RAPGEF2: variants seen among roughly 807,000 people sequenced by gnomAD.
RAPGEF2 encodes the protein Rap guanine nucleotide exchange factor 2.
A neutral mutation model predicts 186.7 loss-of-function variants in RAPGEF2; 54 were observed. The ratio of observed to expected loss-of-function variants is 0.29; its 90% confidence interval spans 0.23 to 0.36. RAPGEF2 has a LOEUF of 0.36. Ranked by LOEUF, RAPGEF2 falls within the 10% of genes least tolerant of loss-of-function variation. The pLI is 1.00. For missense variants in RAPGEF2, 1,532 were observed against 2,045.0 expected (o/e 0.75, Z 4.84); for synonymous variants, 712 against 705.9 (o/e 1.01, Z -0.14).
intron 7 of RAPGEF2, chr4:159,267,305 C>T (rs1196702452): frequency 7.8e-7 from 1 of 1,289,340 alleles, no homozygotes. Context: ...CCATGGTCCT[C>T]CAAAGTAAGC....
chr4:159,318,120 T>G (rs754387657), intron 9 of RAPGEF2, among the ~76,000 whole-genome samples: 33 of 152,110 alleles, frequency 2.2e-4, no homozygotes, highest in Admixed American at 1.0e-3. Flanking sequence ...TGAATACCAG[T>G]TTACTTGCAA....
At chr4:159,330,594 A>T in intron 13 of RAPGEF2, 96 bp downstream of exon 13, 4 of 865,806 alleles carry the variant, frequency 4.6e-6, no homozygotes, top group Non-Finnish European at 7.1e-6. Context: ...GTCCAGATTA[A>T]TGTAATGAAA....
intron 1 of RAPGEF2, among the ~76,000 whole-genome samples, chr4:159,156,400 T>G (rs558212372): frequency 6.6e-6 from 1 of 152,286 alleles, no homozygotes; most frequent in South Asian, 2.1e-4. Flanking sequence ...TTAATCCCTA[T>G]GTGTTATATC....
At chr4:159,250,146 A>G (rs1755132235) in intron 7 of RAPGEF2, among the ~76,000 whole-genome samples, 1 of 152,176 alleles carries the variant, frequency 6.6e-6, no homozygotes, top group Non-Finnish European at 1.5e-5. Flanking sequence ...AAATGATCAG[A>G]TATCCTCCCC....
intron 1 of RAPGEF2, among the ~76,000 whole-genome samples, chr4:159,185,012 G>A (rs957638567): frequency 1.3e-5 from 2 of 151,976 alleles, no homozygotes; most frequent in South Asian, 2.1e-4. Flanking sequence ...CCATTTCTTC[G>A]AACAAAGGAT....
chr4:159,246,619 C>CA (rs372172674), intron 7 of RAPGEF2, among the ~76,000 whole-genome samples: 46 of 152,254 alleles, frequency 3.0e-4, no homozygotes, highest in East Asian at 2.1e-3. Context: ...AAAAGTCATT[C>CA]AGCTATTGAA....
chr4:159,130,339 G>A (rs1740889708), intron 1 of RAPGEF2, among the ~76,000 whole-genome samples: 1 of 152,086 alleles, frequency 6.6e-6, no homozygotes, highest in Non-Finnish European at 1.5e-5. Context: ...ATTTTACCCA[G>A]CCCCTATTTA....
chr4:159,121,304 G>A (rs981270192), intron 1 of RAPGEF2, among the ~76,000 whole-genome samples: 2 of 151,958 alleles, frequency 1.3e-5, no homozygotes, highest in African/African-American at 4.8e-5. Flanking sequence ...TGAACTCTGT[G>A]GATCTACTCA....
At chr4:159,319,862 G>A (rs2111139787) in intron 9 of RAPGEF2, among the ~76,000 whole-genome samples, 1 of 151,928 alleles carries the variant, frequency 6.6e-6, no homozygotes, top group South Asian at 2.1e-4. Context: ...CACGCAATAT[G>A]TCTACACGAA....
intron 7 of RAPGEF2, among the ~76,000 whole-genome samples, chr4:159,251,278 C>T (rs1028353737): frequency 1.1e-4 from 17 of 152,368 alleles, no homozygotes; most frequent in African/African-American, 3.1e-4. Context: ...TGCTCTGCAG[C>T]GCCTGGTCCC....
chr4:159,196,282 T>TTA (rs1192904842), intron 3 of RAPGEF2, among the ~76,000 whole-genome samples: 1 of 152,168 alleles, frequency 6.6e-6, no homozygotes, highest in Admixed American at 6.5e-5. Flanking sequence ...TGTATTTGTG[T>TTA]TATATATATA....
chr4:159,297,894 GAA>G (rs1186655394), intron 7 of RAPGEF2, among the ~76,000 whole-genome samples: 2 of 152,188 alleles, frequency 1.3e-5, no homozygotes, highest in African/African-American at 4.8e-5. Flanking sequence ...TTTCATAGAA[GAA>G]ACTGAGGTAC....
In RAPGEF2 at chr4:159,339,632, TCTC is replaced by T. The variant is rs1248534999; in HGVS notation, c.2534+279_2534+281del. 2.6e-5 allele frequency among the ~76,000 whole-genome samples: 4 copies of T among 152,200 alleles called. No homozygotes were observed. The South Asian group carries it at 8.3e-4, about 32-fold the overall frequency. On this transcript the variant is annotated intron_variant, in intron 19 of 29. Transcript: ENST00000691494. Reference sequence around the variant, plus strand: ...GACTTCCAAAATGCGTGCTGTAACTTCTCATGCTTGCCTTGGGGTCCTGGTTTG... The same window carrying T: ...GACTTCCAAAATGCGTGCTGTAACTTATGCTTGCCTTGGGGTCCTGGTTTG...
intron 2 of RAPGEF2, among the ~76,000 whole-genome samples, chr4:159,188,133 G>A (rs534100927): frequency 7.2e-5 from 11 of 152,138 alleles, no homozygotes; most frequent in Admixed American, 5.2e-4. Context: ...ATTTTGTGAC[G>A]ACAACTTTGC....
intron 25 of RAPGEF2, among the ~76,000 whole-genome samples, chr4:159,348,722 T>C (rs1457384989): frequency 6.6e-6 from 1 of 152,236 alleles, no homozygotes; most frequent in Non-Finnish European, 1.5e-5. Context: ...TGTAGATGTC[T>C]CTGAGTATAA....
chr4:159,210,704 CT>C, intron 4 of RAPGEF2, 121 bp downstream of exon 4: 1 of 682,496 alleles, frequency 1.5e-6, no homozygotes, highest in Non-Finnish European at 2.4e-6. Flanking sequence ...CAAGACAGTA[CT>C]TTGGGGTGTT....
chr4:159,240,331 CTTTT>C (rs370477370), intron 5 of RAPGEF2, among the ~76,000 whole-genome samples: 3 of 77,610 alleles, frequency 3.9e-5, no homozygotes, highest in Non-Finnish European at 4.6e-5. Flanking sequence ...AGCATTTCTA[CTTTT>C]TTTTTTTTTT....
intron 1 of RAPGEF2, among the ~76,000 whole-genome samples, chr4:159,118,758 T>G (rs528523512): frequency 1.3e-5 from 2 of 152,044 alleles, no homozygotes; most frequent in South Asian, 4.1e-4. Flanking sequence ...CAAATTTTGG[T>G]ATATGTAGTA....
At position 159,331,794 on chromosome 4, in the gene RAPGEF2, T is replaced by C; in HGVS notation, c.1740T>C (p.Gly580=). 6.2e-7 allele frequency: 1 copy of C among 1,614,064 alleles called. No individual in the cohort carries two copies. Residue 580 remains glycine, a synonymous_variant, in exon 15 of 30, where the codon GGT becomes GGC. Coordinates refer to ENST00000691494, the MANE Select transcript of RAPGEF2 (RefSeq NM_001394067.2). ...FGIFVDSVDS[G]SKATEAGLKR... ...TCTTTGTTGACAGTGTAGATTCAGG[T>C]AGCAAAGCAACTGAAGCAGGCTTGA...
Sources: gnomAD v4.1 joint callset for allele counts (sites outside exome capture counted in the v4.1 genomes callset) on GRCh38, gnomAD v4.1.1 for gene constraint, MANE v1.5 for transcripts, NCBI Gene and HGNC (gene_info 2026-07-23, HGNC 2026-07-21) for gene names.